The following GLI2 variants were observed in gnomAD, a reference collection of about 807,000 sequenced individuals.
GLI2 encodes the protein GLI family zinc finger 2.
GLI2 carries 22 observed loss-of-function variants against 78.9 expected under a neutral mutation model. The ratio of observed to expected loss-of-function variants is 0.28; its 90% confidence interval spans 0.20 to 0.40. GLI2 has a LOEUF of 0.40. Ranked by LOEUF, GLI2 falls within the 10% of genes least tolerant of loss-of-function variation. The pLI, the probability that GLI2 is intolerant of heterozygous loss-of-function variation, is 1.00. For synonymous variants in GLI2, 974 were observed against 963.7 expected (o/e 1.01, Z -0.20); for missense variants, 2,097 against 2,213.2 (o/e 0.95, Z 1.05).
At chr2:120,909,240 G>A (rs1369065223) in intron 2 of GLI2, among the ~76,000 whole-genome samples, 1 of 151,964 alleles carries the variant, frequency 6.6e-6, no homozygotes, top group Non-Finnish European at 1.5e-5. Context: ...ACCTGGAGGT[G>A]CCTCCCACCT....
At chr2:120,739,286 C>CG (rs1682458122) in intron 1 of GLI2, among the ~76,000 whole-genome samples, 1 of 152,086 alleles carries the variant, frequency 6.6e-6, no homozygotes, top group Non-Finnish European at 1.5e-5. Context: ...ACCCCTGCCC[C>CG]GGGGGTACTC....
intron 2 of GLI2, among the ~76,000 whole-genome samples, chr2:120,922,492 CACTT>C (rs1479624720): frequency 3.3e-5 from 5 of 152,178 alleles, no homozygotes; most frequent in African/African-American, 9.7e-5. Flanking sequence ...GACCACCAGT[CACTT>C]ACCACCCAAT....
Position 120,828,373 on chromosome 2 carries a change from C to A in GLI2, c.148+30905C>A, listed in dbSNP as rs761958403. Among the ~76,000 whole-genome samples the A allele has an allele frequency of 5.9e-5, 9 of 152,384 alleles. 1 individual carries two copies. The Middle Eastern group carries it at 0.024, about 403-fold the overall frequency. On this transcript the variant is annotated intron_variant, in intron 2 of 13. Transcript: ENST00000361492. ...GGACATTCGAGCTCTCAACCCCAGA[C>A]AGACGCTGAGGGTGGAACCTGTGGA... is the stretch of plus-strand genomic sequence containing the variant.
rs192914431 is a variant in GLI2 at position 120,931,067 on chromosome 2, A to G, written c.254+3601A>G. Among the ~76,000 whole-genome samples the G allele has an allele frequency of 1.6e-3, 238 of 152,336 alleles. 1 individual carries two copies. The highest frequency in any genetic ancestry group is 5.3e-3 in the African/African-American group (220 of 41,584). ...TGGTTGGATTCCTGAAGAGATTCCT[A>G]AGGCTGCTGTAACTAATTACCACAA... is the stretch of plus-strand genomic sequence containing the variant. On this transcript the variant is annotated intron_variant, in intron 3 of 13. Transcript: ENST00000361492.
At chr2:120,823,885 C>T (rs550831409) in intron 2 of GLI2, among the ~76,000 whole-genome samples, 66 of 152,372 alleles carry the variant, frequency 4.3e-4, no homozygotes, top group African/African-American at 1.6e-3. Flanking sequence ...AAAGGGTTCA[C>T]ATTCCTGGTG....
intron 1 of GLI2, among the ~76,000 whole-genome samples, chr2:120,777,038 G>C (rs928687739): frequency 9.8e-5 from 15 of 152,374 alleles, no homozygotes; most frequent in Non-Finnish European, 2.1e-4. Context: ...GGTGCTGTCA[G>C]TGGAGCTGTG....
chr2:120,739,521 G>C (rs531859670), intron 1 of GLI2, among the ~76,000 whole-genome samples: 1 of 152,184 alleles, frequency 6.6e-6, no homozygotes, highest in Non-Finnish European at 1.5e-5. Flanking sequence ...TGGCTCTTGC[G>C]GCAGGGAGGT....
Position 120,970,556 on chromosome 2 carries a change from A to T in GLI2, c.1009A>T (p.Thr337Ser). 2.5e-6 allele frequency: 4 copies of T among 1,613,988 alleles called. 1 individual carries two copies. The highest frequency in any genetic ancestry group is 3.4e-6 in the Non-Finnish European group (4 of 1,179,972). Residue 337 changes from threonine (T) to serine (S), a missense_variant, in exon 7 of 14, where the codon ACG (threonine) becomes TCG (serine). By Grantham distance (58) the Thr-to-Ser change is moderately conservative. Coordinates refer to ENST00000361492, the MANE Select transcript of GLI2 (RefSeq NM_001374353.1). ...CATGGCCCTCACCTCCATCAATGCC[A>T]CGCCCACCCAGCTCAGCAGCAGCAG... ...QPMALTSINA[T>S]PTQLSSSSNC...
At chr2:120,759,615 G>A (rs1683153924) in intron 1 of GLI2, among the ~76,000 whole-genome samples, 1 of 152,192 alleles carries the variant, frequency 6.6e-6, no homozygotes, top group Non-Finnish European at 1.5e-5. Context: ...TAGGAACCAT[G>A]TGCTCAGCTA....
At chr2:120,953,609 G>A (rs993460758) in intron 4 of GLI2, among the ~76,000 whole-genome samples, 8 of 152,224 alleles carry the variant, frequency 5.3e-5, no homozygotes, top group African/African-American at 9.6e-5. Flanking sequence ...CAGTAAAGAC[G>A]TCTACGGGAG....
intron 5 of GLI2, among the ~76,000 whole-genome samples, chr2:120,964,686 C>T (rs72837359): frequency 0.016 from 2,427 of 152,338 alleles, 21 homozygotes; most frequent in Non-Finnish European, 0.024. Flanking sequence ...GTGGGGCTGG[C>T]TGTGCCAAAC....
Position 120,735,890 on chromosome 2 carries a change from G to T in GLI2, c.-426G>T, listed in dbSNP as rs926731218. On this transcript the variant is annotated 5_prime_UTR_variant, in exon 1 of 14. Transcript: ENST00000361492. ...GGCGCTGATGGATTGCAGAAGTGCC[G>T]GCGCTTGCCAGCCGAGGCAGCACGG... Among the ~76,000 whole-genome samples, 2 of 151,938 alleles carry T rather than the reference G, an allele frequency of 1.3e-5. No homozygotes were observed. The highest frequency in any genetic ancestry group is 2.9e-5 in the Non-Finnish European group (2 of 67,970).
In GLI2 at chr2:120,988,371, G is replaced by A. The variant is rs753050055; in HGVS notation, c.2406G>A (p.Val802=). The change falls in exon 14 of 14, where the codon GTG becomes GTA. Residue 802 remains valine (V), a synonymous_variant. Coordinates refer to ENST00000361492, the MANE Select transcript of GLI2 (RefSeq NM_001374353.1). ...STSTVSSAYT[V]SRRSSGISPY... Reference sequence around the variant, plus strand: ...GCACGGTCAGCTCGGCCTACACCGTGAGCCGCCGCTCCTCCGGCATCTCCC... The same window carrying A: ...GCACGGTCAGCTCGGCCTACACCGTAAGCCGCCGCTCCTCCGGCATCTCCC... 5 of 1,569,436 alleles carry A rather than the reference G, an allele frequency of 3.2e-6. No homozygotes were observed. Among genetic ancestry groups the A allele is most frequent in the South Asian group, 2.3e-5 (2 of 86,826 alleles).
intron 2 of GLI2, among the ~76,000 whole-genome samples, chr2:120,828,599 C>T (rs372768589): frequency 8.7e-4 from 132 of 152,186 alleles, no homozygotes; most frequent in African/African-American, 2.9e-3. Flanking sequence ...ACCCACAGCC[C>T]GGAGGAATCT....
intron 3 of GLI2, among the ~76,000 whole-genome samples, chr2:120,937,055 A>G (rs751857373): frequency 2.3e-4 from 35 of 152,086 alleles, no homozygotes; most frequent in Non-Finnish European, 4.6e-4. Flanking sequence ...CCTCCTTCCA[A>G]GGACTGCACC....
chr2:120,883,997 CCT>C (rs1677279368), intron 2 of GLI2, among the ~76,000 whole-genome samples: 2 of 152,290 alleles, frequency 1.3e-5, no homozygotes, highest in African/African-American at 2.4e-5. Context: ...GCAGGCCACC[CCT>C]GTGTTCCTGC....
intron 13 of GLI2, among the ~76,000 whole-genome samples, chr2:120,987,355 A>C (rs1338016475): frequency 1.3e-5 from 2 of 152,176 alleles, no homozygotes; most frequent in African/African-American, 2.4e-5. Flanking sequence ...AGCCCCCTAC[A>C]GGGATGTCCT....
intron 2 of GLI2, among the ~76,000 whole-genome samples, chr2:120,886,212 G>A (rs1034318772): frequency 6.8e-5 from 2 of 29,362 alleles, no homozygotes; most frequent in East Asian, 4.5e-4. Context: ...GTGTGTGTGC[G>A]TGTATATTTT....
chr2:120,887,310 C>T (rs528705486), intron 2 of GLI2, among the ~76,000 whole-genome samples: 37 of 152,334 alleles, frequency 2.4e-4, no homozygotes, highest in African/African-American at 8.4e-4. Flanking sequence ...TGGGAATATT[C>T]CCCCACAGTG....
Sources: gnomAD v4.1 joint callset for allele counts (sites outside exome capture counted in the v4.1 genomes callset) on GRCh38, gnomAD v4.1.1 for gene constraint, MANE v1.5 for transcripts, NCBI Gene and HGNC (gene_info 2026-07-23, HGNC 2026-07-21) for gene names.